Variants in EP400 observed in about 807,000 individuals in gnomAD.
The protein encoded by EP400 is E1A-binding protein p400.
EP400 carries 105 observed loss-of-function variants against 354.1 expected under a neutral mutation model. The observed-to-expected ratio is 0.30, with a 90% CI of 0.25 to 0.35. The LOEUF is 0.35. Ranked by LOEUF, EP400 falls within the 10% of genes least tolerant of loss-of-function variation. The pLI is 1.00. For missense variants in EP400, 3,280 were observed against 4,121.0 expected (o/e 0.80, Z 5.59); for synonymous variants, 1,646 against 1,716.9 (o/e 0.96, Z 1.02).
At chr12:132,032,710 G>A (rs1323254393) in intron 30 of EP400, among the ~76,000 whole-genome samples, 10 of 149,956 alleles carry the variant, frequency 6.7e-5, no homozygotes, top group African/African-American at 2.0e-4. Flanking sequence ...GGCTCACCGC[G>A]ACCTCTGTCT....
chr12:131,954,547 A>G (rs1891627612), intron 1 of EP400, among the ~76,000 whole-genome samples: 1 of 152,046 alleles, frequency 6.6e-6, no homozygotes, highest in Non-Finnish European at 1.5e-5. Flanking sequence ...CAACATAGTG[A>G]AACCCTGTCT....
Position 132,067,245 on chromosome 12 carries a change from C to G in EP400, c.8750-117C>G. ...TAGTTAAGGGATGGCTTACTTGTCT[C>G]CATAGAGTTTCATAGTTTGTTATTT... is the stretch of plus-strand genomic sequence containing the variant. On this transcript the variant is annotated intron_variant, in intron 49 of 52. Coordinates refer to ENST00000389561, the MANE Select transcript of EP400 (RefSeq NM_015409.5). The surrounding 1 kb of genome is among the most constrained non-coding windows in gnomAD (Gnocchi z 5.3). 2 of 1,445,858 alleles carry G rather than the reference C, an allele frequency of 1.4e-6. No homozygotes were observed. The highest frequency in any genetic ancestry group is 1.9e-6 in the Non-Finnish European group (2 of 1,070,226). The allele number at this position is 1,445,858 out of a possible 1,614,324, so 89.6% of individuals were successfully genotyped here. A position where few individuals can be genotyped will look rare whatever the true frequency, so the allele number is the denominator to read the frequency against.
chr12:132,003,223 C>A (rs1304965405), intron 12 of EP400, among the ~76,000 whole-genome samples: 1 of 147,582 alleles, frequency 6.8e-6, no homozygotes, highest in Non-Finnish European at 1.5e-5. Context: ...ACCAAAAAAA[C>A]CCCCCAAACC....
chr12:131,984,315 T>C (rs1056883726), intron 5 of EP400, among the ~76,000 whole-genome samples: 1 of 152,200 alleles, frequency 6.6e-6, no homozygotes, highest in Non-Finnish European at 1.5e-5. Context: ...TCAAGCACTG[T>C]GATGAGCGAT....
At chr12:132,020,426 A>G (rs929394617) in intron 22 of EP400, among the ~76,000 whole-genome samples, 1 of 152,188 alleles carries the variant, frequency 6.6e-6, no homozygotes, top group Admixed American at 6.5e-5. Flanking sequence ...CCTATTGAAG[A>G]AGCTTCACTC....
At position 132,077,720 on chromosome 12, in the gene EP400, C is replaced by T. The variant is rs1896280288; in HGVS notation, c.*47C>T. On this transcript the variant is annotated 3_prime_UTR_variant, in exon 53 of 53. Transcript: ENST00000389561. ...TCATCTAAAGCAAAACTACCTTCCT[C>T]ACAGAAAACGCTTTATTAGTGAACC... 6.6e-7 allele frequency: 1 copy of T among 1,521,092 alleles called. No homozygotes were observed. The highest frequency in any genetic ancestry group is 8.8e-7 in the Non-Finnish European group (1 of 1,138,582). 94.2% of individuals were successfully genotyped at this position (1,521,092 alleles called of 1,614,324 possible). A position where few individuals can be genotyped will look rare whatever the true frequency, so the allele number is the denominator to read the frequency against.
At position 131,963,003 on chromosome 12, in the gene EP400, T is replaced by C. The variant is rs75506420; in HGVS notation, c.1335+1049T>C. ...CACCTTTTCCAGGATGGACCATATTTGTTTTTCAACAGGTTTATATGATTA... is the reference window on the plus strand; with the variant it reads ...CACCTTTTCCAGGATGGACCATATTCGTTTTTCAACAGGTTTATATGATTA... On this transcript the variant is annotated intron_variant, in intron 2 of 52. Transcript: ENST00000389561. Among the ~76,000 whole-genome samples, 1,082 of 152,364 alleles carry C rather than the reference T, an allele frequency of 7.1e-3. 35 individuals carry two copies. The South Asian group carries it at 0.093, about 13-fold the overall frequency.
Position 132,049,820 on chromosome 12 carries a change from C to G in EP400, c.7201-503C>G, listed in dbSNP as rs117461847. 7.2e-3 allele frequency among the ~76,000 whole-genome samples: 1,090 copies of G among 152,306 alleles called. 35 individuals are homozygous for G. The South Asian group carries it at 0.094, about 13-fold the overall frequency. Reference sequence around the variant, plus strand: ...TGAGTGGCCCATTGTTTAGCTGTGCCATTTATGAAGGAAAGACTGCCAGCC... The same window carrying G: ...TGAGTGGCCCATTGTTTAGCTGTGCGATTTATGAAGGAAAGACTGCCAGCC... On this transcript the variant is annotated intron_variant, in intron 39 of 52. Coordinates refer to ENST00000389561, the MANE Select transcript of EP400 (RefSeq NM_015409.5).
At chr12:132,062,369 G>C (rs376951708) in intron 46 of EP400, 46 bp downstream of exon 46, 2 of 1,611,176 alleles carry the variant, frequency 1.2e-6, no homozygotes, top group Admixed American at 1.7e-5. Flanking sequence ...CTGCTCTGGC[G>C]CGTGTGAGGG....
In EP400 at chr12:132,032,026, G is replaced by T. The variant is rs762599114; in HGVS notation, c.5828G>T (p.Gly1943Val). 1 of 1,614,212 alleles carries T rather than the reference G, an allele frequency of 6.2e-7. No homozygotes were observed. Among genetic ancestry groups the T allele is most frequent in the East Asian group, 2.2e-5 (1 of 44,890 alleles). Reference sequence around the variant, plus strand: ...CTCTCCACTCACAGCCGTACCACAGGTATAAACCTTGTAGAGGCGGACACC... The same window carrying T: ...CTCTCCACTCACAGCCGTACCACAGTTATAAACCTTGTAGAGGCGGACACC... ...AILSTHSRTT[G>V]INLVEADTVV... Residue 1943 changes from glycine (G) to valine (V), a missense_variant, in exon 30 of 53, where the codon GGT (glycine) becomes GTT (valine). Physicochemically the swap from Gly to Val is moderately radical, Grantham distance 109. Around this residue, in one of 20 missense-constraint regions of EP400, gnomAD observed 459 missense variants for 496.9 expected, o/e 0.92. Coordinates refer to ENST00000389561, the MANE Select transcript of EP400 (RefSeq NM_015409.5).
chr12:132,011,196 T>A (rs572126168), intron 15 of EP400, among the ~76,000 whole-genome samples: 1 of 152,290 alleles, frequency 6.6e-6, no homozygotes, highest in South Asian at 2.1e-4. Context: ...GGAGGGGTTT[T>A]CTGTGGTTTG....
intron 3 of EP400, 116 bp downstream of exon 3, chr12:131,979,909 G>GA: frequency 1.3e-6 from 1 of 769,544 alleles, no homozygotes; most frequent in African/African-American, 1.8e-5. Flanking sequence ...TTCCTACTTT[G>GA]AAAATTAACC....
chr12:131,950,538 C>G (rs934813927), intron 1 of EP400, among the ~76,000 whole-genome samples: 1 of 152,162 alleles, frequency 6.6e-6, no homozygotes, highest in African/African-American at 2.4e-5. Context: ...CTTAAGGACC[C>G]CGCGTCCCGG....
At position 131,989,861 on chromosome 12, in the gene EP400, G is replaced by A. The variant is rs909016146; in HGVS notation, c.2410-103G>A. On this transcript the variant is annotated intron_variant, in intron 7 of 52. Transcript: ENST00000389561. ...ACGAGGATGTATATGACAGTGAATT[G>A]TATGTAATTTTAGTCTGAGAAGATT... 27 of 1,339,746 alleles carry A rather than the reference G, an allele frequency of 2.0e-5. No individual in the cohort carries two copies. The African/African-American group carries it at 3.7e-4, about 18-fold the overall frequency. The allele number at this position is 1,339,746 out of a possible 1,614,324, so 83.0% of individuals were successfully genotyped here. A position where few individuals can be genotyped will look rare whatever the true frequency, so the allele number is the denominator to read the frequency against.
chr12:132,022,753 G>T (rs1894161989), intron 23 of EP400, among the ~76,000 whole-genome samples: 1 of 151,188 alleles, frequency 6.6e-6, no homozygotes, highest in East Asian at 1.9e-4. Context: ...CTTTATTTAT[G>T]TATGTGATTT....
rs927214848 is a variant in EP400 at position 131,952,302 on chromosome 12, CAAAAAAAAAAAAAAA to C, written c.-36+2275_-36+2289del. On this transcript the variant is annotated intron_variant, in intron 1 of 52. Coordinates refer to ENST00000389561, the MANE Select transcript of EP400 (RefSeq NM_015409.5). ...TGGGCGACAGAGCGAGACTCTGTCTCAAAAAAAAAAAAAAAAAAAAAAAGAAAAAGAAATAGGGTT... is the reference window on the plus strand; with the variant it reads ...TGGGCGACAGAGCGAGACTCTGTCTCAAAAAAAAGAAAAAGAAATAGGGTT... Among the ~76,000 whole-genome samples, 3 of 47,048 alleles carry C rather than the reference CAAAAAAAAAAAAAAA, an allele frequency of 6.4e-5. No individual in the cohort carries two copies. The East Asian group carries it at 2.3e-3, about 35-fold the overall frequency. The allele number at this position is 47,048 out of a possible 152,430, so 30.9% of individuals were successfully genotyped here.
chr12:132,039,304 A>T (rs1029390403), intron 32 of EP400, among the ~76,000 whole-genome samples: 1 of 152,242 alleles, frequency 6.6e-6, no homozygotes, highest in African/African-American at 2.4e-5. Context: ...TTCTGATGGC[A>T]GCAGAGTTCA....
intron 2 of EP400, among the ~76,000 whole-genome samples, chr12:131,973,772 T>C (rs186270504): frequency 2.0e-5 from 3 of 152,170 alleles, no homozygotes; most frequent in African/African-American, 7.2e-5. Context: ...TGCGTGTATT[T>C]CTCTTTGTTT....
Position 132,028,711 on chromosome 12 carries a change from A to G in EP400, c.5381+423A>G, listed in dbSNP as rs574759621. On this transcript the variant is annotated intron_variant, in intron 27 of 52. Transcript: ENST00000389561. Reference sequence around the variant, plus strand: ...GCTTTAATGGAGAGCAAATCTGAGCACCGGTGGGCACGGTGGGCACCCGGC... The same window carrying G: ...GCTTTAATGGAGAGCAAATCTGAGCGCCGGTGGGCACGGTGGGCACCCGGC... Among the ~76,000 whole-genome samples the G allele has an allele frequency of 3.5e-4, 53 of 152,310 alleles. 1 individual carries two copies. The highest frequency in any genetic ancestry group is 1.3e-3 in the African/African-American group (52 of 41,580).
Sources: gnomAD v4.1 joint callset for allele counts (sites outside exome capture counted in the v4.1 genomes callset) on GRCh38, gnomAD v4.1.1 for gene constraint, gnomAD v4.1.1 regional missense constraint, Gnocchi (gnomAD v3.1) non-coding constraint, MANE v1.5 for transcripts, NCBI Gene and HGNC (gene_info 2026-07-23, HGNC 2026-07-21) for gene names.